SLC26A7: variants seen among roughly 807,000 people sequenced by gnomAD.
SLC26A7 encodes solute carrier family 26 member 7, also known as anion exchange transporter.
Under a neutral mutation model 82.5 loss-of-function variants are expected in SLC26A7, and 59 were observed. That is an observed-to-expected ratio of 0.72 (90% CI 0.58 to 0.89). SLC26A7 has a LOEUF of 0.89. Among genes scored for constraint, SLC26A7 ranks in the 40% least tolerant of loss-of-function variants. The pLI is 0.00. For synonymous variants in SLC26A7, 271 were observed against 274.3 expected, an observed-to-expected ratio of 0.99 and a Z score of 0.12; for missense variants, 820 against 793.0, an observed-to-expected ratio of 1.03 and a Z score of -0.41.
At chr8:91,302,060 G>A (rs1399775051) in intron 4 of SLC26A7, among the ~76,000 whole-genome samples, 2 of 151,916 alleles carry the variant, frequency 1.3e-5, no homozygotes, top group African/African-American at 2.4e-5. Flanking sequence ...TGCAGTCAGG[G>A]AGTATTGTTT....
chr8:91,279,037 T>A (rs1238594111), intron 2 of SLC26A7, among the ~76,000 whole-genome samples: 1 of 151,056 alleles, frequency 6.6e-6, no homozygotes, highest in African/African-American at 2.4e-5. Flanking sequence ...TCATTTAATA[T>A]GTCCTTCAAA....
intron 4 of SLC26A7, among the ~76,000 whole-genome samples, chr8:91,317,949 T>C (rs1400689576): frequency 6.9e-6 from 1 of 144,950 alleles, no homozygotes; most frequent in East Asian, 2.0e-4. Context: ...GATATATATA[T>C]ATATATATAA....
intron 13 of SLC26A7, among the ~76,000 whole-genome samples, chr8:91,364,999 A>G (rs1335107259): frequency 6.6e-6 from 1 of 152,060 alleles, no homozygotes; most frequent in East Asian, 1.9e-4. Flanking sequence ...TTTTCAGCTA[A>G]ATTAAAATAA....
intron 11 of SLC26A7, among the ~76,000 whole-genome samples, chr8:91,359,927 T>G (rs572831002): frequency 6.6e-6 from 1 of 152,190 alleles, no homozygotes; most frequent in South Asian, 2.1e-4. Flanking sequence ...TTTGAAGGTT[T>G]AAAGTTTAAA....
intron 15 of SLC26A7, among the ~76,000 whole-genome samples, chr8:91,379,863 AAGTC>A (rs1412283221): frequency 1.3e-5 from 2 of 152,092 alleles, no homozygotes; most frequent in African/African-American, 4.8e-5. Context: ...ATGAAAAAAT[AAGTC>A]AGAGTGGAAG....
chr8:91,331,369 A>G (rs909619401), intron 5 of SLC26A7, among the ~76,000 whole-genome samples: 1 of 152,176 alleles, frequency 6.6e-6, no homozygotes, highest in African/African-American at 2.4e-5. Flanking sequence ...GTAGACTACT[A>G]TATGTATACA....
chr8:91,249,579 T>A lies in SLC26A7; in HGVS notation c.-73T>A. 1 of 1,250,254 alleles carries A rather than the reference T, an allele frequency of 8.0e-7. No individual in the cohort carries two copies. 77.4% of individuals were successfully genotyped at this position (1,250,254 alleles called of 1,614,324 possible). On this transcript the variant is annotated 5_prime_UTR_variant, in exon 2 of 19. Transcript: ENST00000276609. ...CCACAGACGAATTGGAGCTTGGCATTGAAAGGAGGTGTTCTGCAATGATTT... is the reference window on the plus strand; with the variant it reads ...CCACAGACGAATTGGAGCTTGGCATAGAAAGGAGGTGTTCTGCAATGATTT...
chr8:91,264,698 G>A (rs1404454048), intron 2 of SLC26A7, among the ~76,000 whole-genome samples: 1 of 151,884 alleles, frequency 6.6e-6, no homozygotes, highest in African/African-American at 2.4e-5. Flanking sequence ...TACTTTCATG[G>A]TTTCCCAAAC....
chr8:91,329,628 T>G (rs1394746828), intron 5 of SLC26A7, among the ~76,000 whole-genome samples: 2 of 152,268 alleles, frequency 1.3e-5, no homozygotes, highest in African/African-American at 4.8e-5. Flanking sequence ...ATATTTCTAC[T>G]CTTTCTTATA....
intron 2 of SLC26A7, among the ~76,000 whole-genome samples, chr8:91,281,248 A>C (rs1437030914): frequency 2.0e-5 from 3 of 152,250 alleles, no homozygotes; most frequent in Non-Finnish European, 4.4e-5. Flanking sequence ...CATACAAAAC[A>C]TAAGTCTGAG....
At position 91,219,025 on chromosome 8, in the gene SLC26A7, C is replaced by A. The variant is rs139449787; in HGVS notation, c.-34+20C>A. ...GAACAGGTGAGGTGCTCATTCATAG[C>A]CTCACTCCACTTGCCCTGTCAGCTC... On this transcript the variant is annotated intron_variant, in intron 2 of 5. Transcript: ENST00000522862. 1.5e-5 allele frequency: 20 copies of A among 1,323,764 alleles called. No individual in the cohort carries two copies. The East Asian group carries it at 5.1e-4, about 33-fold the overall frequency. The allele number at this position is 1,323,764 out of a possible 1,614,324, so 82.0% of individuals were successfully genotyped here. A position where few individuals can be genotyped will look rare whatever the true frequency, so the allele number is the denominator to read the frequency against.
chr8:91,310,845 C>G (rs1812461691), intron 4 of SLC26A7, among the ~76,000 whole-genome samples: 1 of 142,280 alleles, frequency 7.0e-6, no homozygotes, highest in Non-Finnish European at 1.5e-5. Flanking sequence ...ATATAAAACC[C>G]CAAGTCAAAG....
At chr8:91,368,738 T>A (rs1484088658) in intron 14 of SLC26A7, among the ~76,000 whole-genome samples, 1 of 151,936 alleles carries the variant, frequency 6.6e-6, no homozygotes, top group Non-Finnish European at 1.5e-5. Flanking sequence ...GAGGTATTTT[T>A]AAGAGGAGGG....
At chr8:91,329,118 A>G (rs993618708) in intron 5 of SLC26A7, among the ~76,000 whole-genome samples, 3 of 152,174 alleles carry the variant, frequency 2.0e-5, no homozygotes, top group Admixed American at 6.6e-5. Context: ...AGGAATTTTT[A>G]TCTACTGGAG....
chr8:91,210,559 A>G (rs1341624727), intron 1 of SLC26A7, among the ~76,000 whole-genome samples: 2 of 105,650 alleles, frequency 1.9e-5, no homozygotes, highest in African/African-American at 3.5e-5. Flanking sequence ...ACACACACAC[A>G]CAGACACACA....
At chr8:91,340,689 A>G (rs1813384701) in intron 8 of SLC26A7, 138 bp downstream of exon 8, 1 of 975,818 alleles carries the variant, frequency 1.0e-6, no homozygotes, top group African/African-American at 1.6e-5. Context: ...AAAAAAAAGA[A>G]AAATATCAAA....
At position 91,340,414 on chromosome 8, in the gene SLC26A7, C is replaced by T; in HGVS notation, c.889C>T (p.Pro297Ser). ...TCCTTCTTTCCACAGAATTCCCTCA[C>T]CTAGAGCTCCCCCGATGAACATCCT... ...VGHIPQGIPS[P>S]RAPPMNILSA... The change falls in exon 8 of 19, where the codon CCT becomes TCT. Residue 297 changes from proline to serine, a missense_variant. Transcript: ENST00000276609. 6.2e-6 allele frequency: 10 copies of T among 1,613,862 alleles called. No individual in the cohort carries two copies. Among genetic ancestry groups the T allele is most frequent in the Non-Finnish European group, 8.5e-6 (10 of 1,179,822 alleles).
intron 13 of SLC26A7, 38 bp downstream of exon 13, chr8:91,363,576 A>G: frequency 8.3e-7 from 1 of 1,201,378 alleles, no homozygotes; most frequent in South Asian, 1.4e-5. Flanking sequence ...GCAATTGTTA[A>G]TCATTTTGTG....
chr8:91,286,804 C>T (rs1811724102), intron 2 of SLC26A7, among the ~76,000 whole-genome samples: 1 of 152,068 alleles, frequency 6.6e-6, no homozygotes, highest in South Asian at 2.1e-4. Flanking sequence ...TGTGCATATG[C>T]TCATGTATGA....
Sources: gnomAD v4.1 joint callset for allele counts (sites outside exome capture counted in the v4.1 genomes callset) on GRCh38, gnomAD v4.1.1 for gene constraint, MANE v1.5 for transcripts, NCBI Gene and HGNC (gene_info 2026-07-23, HGNC 2026-07-21) for gene names.